Variants in SLC25A42 observed in about 807,000 individuals in gnomAD.
SLC25A42 encodes the protein mitochondrial coenzyme A transporter SLC25A42.
A neutral mutation model predicts 34.7 loss-of-function variants in SLC25A42; 19 were observed. The ratio of observed to expected loss-of-function variants is 0.55; its 90% CI spans 0.38 to 0.80. The LOEUF is 0.80. Among genes scored for constraint, SLC25A42 ranks in the 30% least tolerant of loss-of-function variants. SLC25A42 has a pLI of 0.00. For missense variants in SLC25A42, 364 were observed against 441.3 expected, an observed-to-expected ratio of 0.82 and a Z score of 1.57; for synonymous variants, 205 against 191.2, an observed-to-expected ratio of 1.07 and a Z score of -0.59.
intron 4 of SLC25A42, 134 bp downstream of exon 4, chr19:19,105,072 T>C: frequency 2.7e-6 from 3 of 1,091,202 alleles, no homozygotes; most frequent in Non-Finnish European, 2.7e-6. Context: ...TTCCCAGCTC[T>C]GCCTGGACAC....
intron 1 of SLC25A42, among the ~76,000 whole-genome samples, chr19:19,076,072 C>T (rs145347944): frequency 3.5e-4 from 53 of 152,294 alleles, no homozygotes; most frequent in African/African-American, 1.1e-3. Context: ...AGTGGTTTCC[C>T]AGAATGCTGT....
intron 2 of SLC25A42, 83 bp downstream of exon 2, chr19:19,096,288 C>A: frequency 9.6e-7 from 1 of 1,045,398 alleles, no homozygotes; most frequent in Non-Finnish European, 1.4e-6. Flanking sequence ...CTGCCTCCTC[C>A]TCCCAGCCTC....
chr19:19,087,677 G>A (rs2059715078), intron 1 of SLC25A42, among the ~76,000 whole-genome samples: 1 of 152,184 alleles, frequency 6.6e-6, no homozygotes, highest in African/African-American at 2.4e-5. Context: ...TTTATTAATT[G>A]AAATTCAACT....
intron 2 of SLC25A42, among the ~76,000 whole-genome samples, chr19:19,099,866 T>C (rs1194255647): frequency 6.6e-6 from 1 of 152,022 alleles, no homozygotes; most frequent in East Asian, 2.0e-4. Flanking sequence ...TAACTAGGAT[T>C]ACAGGCACCC....
At position 19,064,074 on chromosome 19, in the gene SLC25A42, G is replaced by T. The variant is rs1020985470; in HGVS notation, c.-76G>T. 3 of 152,452 alleles carry T rather than the reference G, an allele frequency of 2.0e-5. No individual in the cohort carries two copies. Among genetic ancestry groups the T allele is most frequent in the African/African-American group, 7.2e-5 (3 of 41,380 alleles). The allele number at this position is 152,452 out of a possible 1,614,324, so 9.4% of individuals were successfully genotyped here. A position where few individuals can be genotyped will look rare whatever the true frequency, so the allele number is the denominator to read the frequency against. On this transcript the variant is annotated 5_prime_UTR_variant, in exon 1 of 8. Transcript: ENST00000318596. ...GAGGGGGCGCGGGGGGCGCCGGGGG[G>T]GCCCAAGCGTCAGCGGCCCGCGCCT...
intron 1 of SLC25A42, among the ~76,000 whole-genome samples, chr19:19,094,080 A>G (rs1344605734): frequency 6.6e-6 from 1 of 152,216 alleles, no homozygotes; most frequent in Non-Finnish European, 1.5e-5. Flanking sequence ...TATCCCAGCC[A>G]GCGTTGTCCT....
intron 4 of SLC25A42, chr19:19,105,304 C>T (rs77795295): frequency 0.033 from 19,186 of 573,864 alleles, 435 homozygotes; most frequent in Middle Eastern, 0.071. Context: ...CAGCCTGGTT[C>T]GCTTTGCAGT....
rs1599697143 is a variant in SLC25A42, at chr19:19,112,857, G to T, written c.*1981G>T. 3 of 152,784 alleles carry T rather than the reference G, an allele frequency of 2.0e-5. No homozygotes were observed. The highest frequency in any genetic ancestry group is 2.0e-4 in the Admixed American group (3 of 15,292). 9.5% of individuals were successfully genotyped at this position (152,784 alleles called of 1,614,324 possible). ...TATATTTTAAAGATTTGTGCCAAGA[G>T]AGTATATTTAATAAAAACTTAAATG... On this transcript the variant is annotated 3_prime_UTR_variant, in exon 8 of 8. Transcript: ENST00000318596. The surrounding 1 kb of genome is among the most constrained non-coding windows in gnomAD (Gnocchi z 4.3).
intron 1 of SLC25A42, among the ~76,000 whole-genome samples, chr19:19,086,475 C>T (rs2059709044): frequency 6.6e-6 from 1 of 152,194 alleles, no homozygotes; most frequent in Non-Finnish European, 1.5e-5. Flanking sequence ...TGCTCAGAGG[C>T]CACGCAAACA....
At chr19:19,075,900 C>T (rs2059653534) in intron 1 of SLC25A42, among the ~76,000 whole-genome samples, 1 of 152,160 alleles carries the variant, frequency 6.6e-6, no homozygotes, top group East Asian at 1.9e-4. Context: ...TTCTCCGGCC[C>T]GATGGTTCCC....
At chr19:19,105,372 C>CT in intron 4 of SLC25A42, 189 bp from the exon 5 acceptor site, 1 of 655,350 alleles carries the variant, frequency 1.5e-6, no homozygotes, top group Non-Finnish European at 2.5e-6. Context: ...AAGGACGGGG[C>CT]TGGGGTTGAT....
At position 19,111,275 on chromosome 19, in the gene SLC25A42, CT is replaced by C; in HGVS notation, c.*401del. The stretch of plus-strand genomic sequence containing the variant: ...CAGAGCCAGACCGCGCCTGGACCTT[CT>C]TGTTCTGACTCCACGTGCCTGCCCG... On this transcript the variant is annotated 3_prime_UTR_variant, in exon 8 of 8. Coordinates refer to ENST00000318596, the MANE Select transcript of SLC25A42 (RefSeq NM_178526.5). 4.6e-6 allele frequency: 1 copy of C among 216,772 alleles called. No individual in the cohort carries two copies. Among genetic ancestry groups the C allele is most frequent in the Non-Finnish European group, 9.2e-6 (1 of 108,238 alleles). 13.4% of individuals were successfully genotyped at this position (216,772 alleles called of 1,614,324 possible).
chr19:19,089,087 G>C lies in SLC25A42; in HGVS notation c.-34-7004G>C, dbSNP rs1022951524. Among the ~76,000 whole-genome samples the C allele has an allele frequency of 3.3e-5, 5 of 152,302 alleles. No homozygotes were observed. The East Asian group carries it at 9.7e-4, about 29-fold the overall frequency. On this transcript the variant is annotated intron_variant, in intron 1 of 7. Transcript: ENST00000318596. ...CCCAAAGTGCTGGGATTACAGGCGT[G>C]AGCCACTGCGCCTGGCCAGTGATCC...
intron 7 of SLC25A42, 103 bp from the exon 8 acceptor site, chr19:19,110,466 T>C: frequency 1.1e-6 from 1 of 934,746 alleles, no homozygotes; most frequent in Non-Finnish European, 1.5e-6. Context: ...CATGTGTGTA[T>C]GTGCACGCAG....
intron 1 of SLC25A42, among the ~76,000 whole-genome samples, chr19:19,095,578 A>T (rs532632242): frequency 1.3e-5 from 2 of 152,352 alleles, no homozygotes; most frequent in African/African-American, 4.8e-5. Flanking sequence ...GTGCCACTGC[A>T]CTCCAGCCTG....
chr19:19,103,477 C>G (rs2059809226), intron 3 of SLC25A42, among the ~76,000 whole-genome samples: 1 of 152,216 alleles, frequency 6.6e-6, no homozygotes, highest in Non-Finnish European at 1.5e-5. Flanking sequence ...TCTATTACAT[C>G]TGCAAAGGCC....
chr19:19,102,097 C>T (rs905364478), intron 3 of SLC25A42, among the ~76,000 whole-genome samples: 1 of 152,062 alleles, frequency 6.6e-6, no homozygotes, highest in African/African-American at 2.4e-5. Flanking sequence ...CAAGCTCTGC[C>T]TCCCGGGTTC....
intron 1 of SLC25A42, among the ~76,000 whole-genome samples, chr19:19,089,812 T>G (rs1288758189): frequency 6.6e-6 from 1 of 151,684 alleles, no homozygotes; most frequent in Admixed American, 6.6e-5. Flanking sequence ...GAGGTTACAG[T>G]GAGCCGAGAT....
chr19:19,081,391 G>T lies in SLC25A42; in HGVS notation c.-34-14700G>T, dbSNP rs986825583. Among the ~76,000 whole-genome samples the T allele has an allele frequency of 2.6e-5, 4 of 152,136 alleles. No individual in the cohort carries two copies. Among genetic ancestry groups the T allele is most frequent in the African/African-American group, 9.7e-5 (4 of 41,426 alleles). On this transcript the variant is annotated intron_variant, in intron 1 of 7. Transcript: ENST00000318596. The surrounding 1 kb of genome is among the most constrained non-coding windows in gnomAD (Gnocchi z 4.5). ...GAAAGAAGTGTTTCCAGTGCCAGTT[G>T]GCCCGTCTGTTTTTAAATAAACAGA...
Sources: gnomAD v4.1 joint callset for allele counts (sites outside exome capture counted in the v4.1 genomes callset) on GRCh38, gnomAD v4.1.1 for gene constraint, Gnocchi (gnomAD v3.1) non-coding constraint, MANE v1.5 for transcripts, NCBI Gene and HGNC (gene_info 2026-07-23, HGNC 2026-07-21) for gene names.